Variants in COL21A1 observed in about 807,000 individuals in gnomAD.
The protein encoded by COL21A1 is collagen alpha-1(XXI) chain.
In COL21A1, 149 loss-of-function variants were observed where a neutral mutation model predicts 137.9. That is an observed-to-expected ratio of 1.08 (90% CI 0.95 to 1.24). The LOEUF (loss-of-function observed/expected upper bound fraction) is 1.24. COL21A1 is among the 50% of genes most tolerant of loss of function. The probability of loss-of-function intolerance (pLI) is 0.00; values close to 1 mark genes in which losing one functional copy is unlikely to be tolerated. For missense variants in COL21A1, 1,167 were observed against 1,158.4 expected, an observed-to-expected ratio of 1.01 and a Z score of -0.11; for synonymous variants, 456 against 391.5, an observed-to-expected ratio of 1.16 and a Z score of -1.95.
At chr6:56,099,839 C>T (rs1330966829) in intron 17 of COL21A1, among the ~76,000 whole-genome samples, 2 of 152,100 alleles carry the variant, frequency 1.3e-5, no homozygotes, top group Non-Finnish European at 2.9e-5. Context: ...TGAACCCACT[C>T]CATGCTTATT....
chr6:56,307,525 G>T (rs953647335), intron 1 of COL21A1, among the ~76,000 whole-genome samples: 4 of 152,354 alleles, frequency 2.6e-5, no homozygotes, highest in Non-Finnish European at 4.4e-5. Flanking sequence ...TCCAAGCCAG[G>T]CACGGGATAT....
intron 1 of COL21A1, among the ~76,000 whole-genome samples, chr6:56,276,297 C>T (rs1041280566): frequency 6.6e-6 from 1 of 152,136 alleles, no homozygotes; most frequent in Non-Finnish European, 1.5e-5. Flanking sequence ...TAGGTTCAAT[C>T]ATACCCCAAA....
chr6:56,157,158 C>G (rs1775818189), intron 9 of COL21A1, among the ~76,000 whole-genome samples: 1 of 151,468 alleles, frequency 6.6e-6, no homozygotes, highest in South Asian at 2.1e-4. Flanking sequence ...TTTATGTGAC[C>G]ACACCAAGTA....
At chr6:56,123,986 G>C (rs1582418441) in intron 16 of COL21A1, 76 bp downstream of exon 16, 3 of 1,238,034 alleles carry the variant, frequency 2.4e-6, no homozygotes, top group Non-Finnish European at 3.3e-6. Context: ...TTTTAATATT[G>C]GTACATTTTT....
At chr6:56,188,972 T>A (rs886424621) in intron 1 of COL21A1, among the ~76,000 whole-genome samples, 1 of 151,960 alleles carries the variant, frequency 6.6e-6, no homozygotes, top group Non-Finnish European at 1.5e-5. Flanking sequence ...GTCACCAACA[T>A]CAAAGACCAA....
intron 1 of COL21A1, among the ~76,000 whole-genome samples, chr6:56,308,763 C>T (rs1298039023): frequency 6.6e-6 from 1 of 152,028 alleles, no homozygotes; most frequent in Non-Finnish European, 1.5e-5. Context: ...ATTTAAAGCT[C>T]AATTTCTCAG....
intron 16 of COL21A1, among the ~76,000 whole-genome samples, chr6:56,112,674 T>C (rs1313663636): frequency 2.0e-5 from 3 of 148,442 alleles, no homozygotes; most frequent in Admixed American, 1.4e-4. Flanking sequence ...AGTTTTTTTT[T>C]CTTTTCTTTT....
chr6:56,317,888 G>A (rs893138382), intron 1 of COL21A1, among the ~76,000 whole-genome samples: 2 of 151,928 alleles, frequency 1.3e-5, no homozygotes, highest in Non-Finnish European at 2.9e-5. Flanking sequence ...AAAAAAATAA[G>A]AATAGTCTAT....
intron 16 of COL21A1, among the ~76,000 whole-genome samples, chr6:56,111,621 T>C (rs1771439239): frequency 1.3e-5 from 2 of 151,304 alleles, no homozygotes; most frequent in African/African-American, 2.4e-5. Flanking sequence ...CCCAGCACTT[T>C]GGGAATCTGA....
chr6:56,256,692 A>AT (rs59048161), intron 1 of COL21A1, among the ~76,000 whole-genome samples: 58,796 of 151,514 alleles, frequency 0.39, 12,753 homozygotes, highest in African/African-American at 0.56. Context: ...GCCAAATAAT[A>AT]TTTTTTAAAA....
At chr6:56,168,978 T>A (rs2152271289) in intron 5 of COL21A1, among the ~76,000 whole-genome samples, 1 of 152,078 alleles carries the variant, frequency 6.6e-6, no homozygotes, top group East Asian at 1.9e-4. Context: ...CCCAACAACG[T>A]ATGCAACAAA....
chr6:56,227,741 T>C (rs1377744338), intron 1 of COL21A1, among the ~76,000 whole-genome samples: 2 of 152,084 alleles, frequency 1.3e-5, no homozygotes, highest in African/African-American at 4.8e-5. Context: ...AGCCTAGTGA[T>C]AGCCTCAGCA....
chr6:56,349,780 A>T (rs1765671103), intron 1 of COL21A1, among the ~76,000 whole-genome samples: 1 of 152,326 alleles, frequency 6.6e-6, no homozygotes, highest in South Asian at 2.1e-4. Flanking sequence ...TTTTAATGAA[A>T]GACCATTTTG....
At chr6:56,337,149 C>T (rs911179151) in intron 1 of COL21A1, among the ~76,000 whole-genome samples, 1 of 152,186 alleles carries the variant, frequency 6.6e-6, no homozygotes, top group African/African-American at 2.4e-5. Context: ...AAAATAACAA[C>T]TATGAGTGGA....
In COL21A1 at chr6:56,171,131, A is replaced by G; in HGVS notation, c.641-3T>C. 2 of 1,577,562 alleles carry G rather than the reference A, an allele frequency of 1.3e-6. No homozygotes were observed. Among genetic ancestry groups the G allele is most frequent in the South Asian group, 2.4e-5 (2 of 84,726 alleles). ...AATTCGTGTTGGACAGACAGATTCT[A>G]TAAAGCAAAAGCAATAAAAGTTGGT... On this transcript the variant is annotated splice_polypyrimidine_tract_variant and splice_region_variant and intron_variant, in intron 3 of 29. Coordinates refer to ENST00000244728, the MANE Select transcript of COL21A1 (RefSeq NM_030820.4).
intron 1 of COL21A1, among the ~76,000 whole-genome samples, chr6:56,303,235 A>G (rs1467436102): frequency 4.6e-5 from 7 of 152,188 alleles, no homozygotes; most frequent in African/African-American, 1.7e-4. Flanking sequence ...GTCCATATGA[A>G]CTTTAAAGTA....
chr6:56,188,457 G>T (rs1778443471), intron 1 of COL21A1, among the ~76,000 whole-genome samples: 1 of 152,180 alleles, frequency 6.6e-6, no homozygotes, highest in African/African-American at 2.4e-5. Context: ...TCTGGGCAGG[G>T]AATCTCTGAA....
At chr6:56,288,046 T>TTC (rs1401152412) in intron 1 of COL21A1, among the ~76,000 whole-genome samples, 1 of 152,036 alleles carries the variant, frequency 6.6e-6, no homozygotes, top group Admixed American at 6.6e-5. Context: ...CGTGAGTGAG[T>TTC]TCTAATCTAT....
chr6:56,057,672 T>G lies in COL21A1; in HGVS notation c.2859A>C (p.Lys953Asn), dbSNP rs1224089906. The G allele has an allele frequency of 1.2e-6, 2 of 1,613,106 alleles. No homozygotes were observed. Among genetic ancestry groups the G allele is most frequent in the East Asian group, 4.5e-5 (2 of 44,760 alleles). ...SVIARRDPFR[K>N]GPNY is the part of the protein sequence containing the mutation. ...GCATCAGACACTAATAGTTTGGTCC[T>G]TTTCTGAACGGATCTCTTCTGGCAA... is the stretch of plus-strand genomic sequence containing the variant. The change falls in exon 30 of 30, where the codon AAA becomes AAC. Residue 953 changes from lysine (K) to asparagine (N), a missense_variant. By Grantham distance (94) the Lys-to-Asn change is moderately conservative (BLOSUM62 0). Coordinates refer to ENST00000244728, the MANE Select transcript of COL21A1 (RefSeq NM_030820.4).
Sources: allele counts gnomAD v4.1 joint callset (sites outside exome capture counted in the v4.1 genomes callset), GRCh38; gene constraint gnomAD v4.1.1; transcripts MANE v1.5; gene names NCBI Gene and HGNC (gene_info 2026-07-23, HGNC 2026-07-21).